The following ARPP21 variants were observed in gnomAD, a reference collection of about 807,000 sequenced individuals.
ARPP21 encodes cAMP regulated phosphoprotein 21, also known as cAMP-regulated phosphoprotein 21.
ARPP21 carries 69 observed loss-of-function variants against 113.2 expected under a neutral mutation model. The ratio of observed to expected loss-of-function variants is 0.61; its 90% CI spans 0.50 to 0.74. ARPP21 has a LOEUF of 0.74. ARPP21 is among the 30% of genes least tolerant of loss of function. The probability of loss-of-function intolerance (pLI) is 0.00; values close to 1 mark genes in which losing one functional copy is unlikely to be tolerated. For synonymous variants in ARPP21, 368 were observed against 375.5 expected (o/e 0.98, Z 0.23); for missense variants, 1,070 against 1,037.4 (o/e 1.03, Z -0.43).
intron 13 of ARPP21, among the ~76,000 whole-genome samples, chr3:35,719,854 T>C (rs1374539877): frequency 6.6e-6 from 1 of 152,172 alleles, no homozygotes; most frequent in Non-Finnish European, 1.5e-5. Context: ...TAAACAATGA[T>C]TTTGCTAGAC....
At chr3:35,657,148 A>G (rs1306468854) in intron 1 of ARPP21, among the ~76,000 whole-genome samples, 1 of 152,076 alleles carries the variant, frequency 6.6e-6, no homozygotes, top group Non-Finnish European at 1.5e-5. Flanking sequence ...TGCTTTAAAA[A>G]TGATTTTCAT....
At chr3:35,760,892 G>T (rs528011494) in intron 19 of ARPP21, among the ~76,000 whole-genome samples, 2 of 152,156 alleles carry the variant, frequency 1.3e-5, no homozygotes, top group African/African-American at 4.8e-5. Flanking sequence ...CTGAATTTCT[G>T]AGGGCTGGGC....
chr3:35,676,972 C>T (rs1039470263), intron 1 of ARPP21, among the ~76,000 whole-genome samples: 5 of 151,818 alleles, frequency 3.3e-5, no homozygotes, highest in African/African-American at 1.2e-4. Context: ...TTTACAGAAC[C>T]ATGCCCAGCT....
chr3:35,740,592 A>G (rs2094594281), intron 18 of ARPP21, among the ~76,000 whole-genome samples: 1 of 152,180 alleles, frequency 6.6e-6, no homozygotes, highest in South Asian at 2.1e-4. Flanking sequence ...ATCTTAAAAG[A>G]TGTGTAAAAT....
intron 1 of ARPP21, among the ~76,000 whole-genome samples, chr3:35,641,962 A>G (rs1172933337): frequency 6.6e-6 from 1 of 152,210 alleles, no homozygotes; most frequent in African/African-American, 2.4e-5. Flanking sequence ...CTCTCCAGGC[A>G]TGATTTATGC....
chr3:35,682,997 T>C (rs2079423158), intron 4 of ARPP21, 108 bp downstream of exon 4: 3 of 1,093,376 alleles, frequency 2.7e-6, no homozygotes, highest in South Asian at 1.6e-5. Flanking sequence ...TGTCCAGATA[T>C]TGTGGGGCAT....
intron 19 of ARPP21, among the ~76,000 whole-genome samples, chr3:35,755,926 G>A (rs772659645): frequency 7.9e-5 from 12 of 152,038 alleles, no homozygotes; most frequent in Non-Finnish European, 1.6e-4. Flanking sequence ...GCAAATTGCT[G>A]AACTTATAAG....
At chr3:35,686,366 C>T (rs1035803731) in intron 5 of ARPP21, among the ~76,000 whole-genome samples, 1 of 151,654 alleles carries the variant, frequency 6.6e-6, no homozygotes, top group African/African-American at 2.4e-5. Flanking sequence ...ATATGTACAT[C>T]CCCAGGAAAA....
chr3:35,747,407 A>AATCAAATG (rs1251129606), intron 19 of ARPP21, among the ~76,000 whole-genome samples: 1 of 152,072 alleles, frequency 6.6e-6, no homozygotes, highest in Non-Finnish European at 1.5e-5. Flanking sequence ...AGTTTAGAGA[A>AATCAAATG]ATCAAATGGT....
intron 1 of ARPP21, among the ~76,000 whole-genome samples, chr3:35,672,598 C>G (rs181698363): frequency 6.6e-6 from 1 of 152,070 alleles, no homozygotes; most frequent in East Asian, 1.9e-4. Flanking sequence ...CTACTATGTG[C>G]CAGGCACTAT....
chr3:35,656,341 T>A (rs962838619), intron 1 of ARPP21, among the ~76,000 whole-genome samples: 9 of 152,084 alleles, frequency 5.9e-5, no homozygotes, highest in Non-Finnish European at 1.3e-4. Context: ...CATTAGAGGT[T>A]AAAACTGTCA....
intron 11 of ARPP21, among the ~76,000 whole-genome samples, chr3:35,709,774 A>G (rs1198154270): frequency 2.6e-5 from 4 of 152,228 alleles, no homozygotes; most frequent in Non-Finnish European, 5.9e-5. Context: ...TTTTCATTCC[A>G]TGCAATCATT....
In ARPP21 at chr3:35,683,769, G is replaced by A. The variant is rs1446735934; in HGVS notation, c.215G>A (p.Cys72Tyr). Residue 72 changes from cysteine (C) to tyrosine (Y), a missense_variant, in exon 5 of 21, where the codon TGT (cysteine) becomes TAT (tyrosine). Coordinates refer to ENST00000684406, the MANE Select transcript of ARPP21 (RefSeq NM_001385562.1). ...KGKLTRSLAV[C>Y]EESSARPGGE... ...AAACTGACTCGCAGCCTTGCTGTCT[G>A]TGAGGAATCTTCTGCCAGACCAGGA... is the stretch of plus-strand genomic sequence containing the variant. 6.4e-7 allele frequency: 1 copy of A among 1,551,396 alleles called. No individual in the cohort carries two copies. Among genetic ancestry groups the A allele is most frequent in the Admixed American group, 1.7e-5 (1 of 59,646 alleles).
At chr3:35,701,327 T>A (rs1484930336) in intron 9 of ARPP21, among the ~76,000 whole-genome samples, 1 of 151,808 alleles carries the variant, frequency 6.6e-6, no homozygotes, top group Admixed American at 6.6e-5. Flanking sequence ...GAAGAATTGC[T>A]GTTCTATAAA....
intron 15 of ARPP21, among the ~76,000 whole-genome samples, chr3:35,733,183 C>G (rs183961995): frequency 6.6e-6 from 1 of 150,908 alleles, no homozygotes; most frequent in Admixed American, 6.6e-5. Context: ...AGGGTCCATG[C>G]TTATTTTTTA....
rs9822191 is a variant in ARPP21, at chr3:35,789,241, G to A, written c.2138-3141G>A. 2.6e-5 allele frequency among the ~76,000 whole-genome samples: 4 copies of A among 152,268 alleles called. No homozygotes were observed. The East Asian group carries it at 5.8e-4, about 22-fold the overall frequency. On this transcript the variant is annotated intron_variant, in intron 19 of 20. Transcript: ENST00000684406. ...CACCAGTGCTGCCATCTCTGCCTTC[G>A]GGTGTGTTGTGTCCCAGGCAGGCAC...
chr3:35,738,331 G>A lies in ARPP21; in HGVS notation c.1749+13G>A, dbSNP rs1261554643. On this transcript the variant is annotated intron_variant, in intron 17 of 20. Coordinates refer to ENST00000684406, the MANE Select transcript of ARPP21 (RefSeq NM_001385562.1). ...GCACTTTCCCATGGTACTGTATTAT[G>A]TGTATATGACTTTTTCCCCTAGGAA... 6.6e-7 allele frequency: 1 copy of A among 1,509,594 alleles called. No homozygotes were observed. Among genetic ancestry groups the A allele is most frequent in the African/African-American group, 1.4e-5 (1 of 72,490 alleles). 93.5% of individuals were successfully genotyped at this position (1,509,594 alleles called of 1,614,324 possible).
At chr3:35,779,628 G>T (rs185790409) in intron 19 of ARPP21, among the ~76,000 whole-genome samples, 16 of 151,724 alleles carry the variant, frequency 1.1e-4, no homozygotes, top group Non-Finnish European at 1.2e-4. Context: ...AGAAAAGCAA[G>T]TAATACCACC....
chr3:35,720,480 A>G (rs1217887627), intron 13 of ARPP21, among the ~76,000 whole-genome samples: 1 of 152,210 alleles, frequency 6.6e-6, no homozygotes, highest in African/African-American at 2.4e-5. Context: ...ATATTTTTCA[A>G]TGAAGCTACC....
Sources: gnomAD v4.1 joint callset for allele counts (sites outside exome capture counted in the v4.1 genomes callset) on GRCh38, gnomAD v4.1.1 for gene constraint, MANE v1.5 for transcripts, NCBI Gene and HGNC (gene_info 2026-07-23, HGNC 2026-07-21) for gene names.